IL1RAPL2: variants seen among roughly 807,000 people sequenced by gnomAD.
IL1RAPL2 encodes the protein X-linked interleukin-1 receptor accessory protein-like 2.
IL1RAPL2 carries 3 observed loss-of-function variants against 44.1 expected under a neutral mutation model. The observed-to-expected ratio is 0.07, with a 90% CI of 0.03 to 0.18. The LOEUF (loss-of-function observed/expected upper bound fraction) is 0.18, where lower values mean the gene tolerates loss of function less well. Ranked by LOEUF, IL1RAPL2 falls within the 10% of genes least tolerant of loss-of-function variation. IL1RAPL2 has a pLI of 1.00. For missense variants in IL1RAPL2, 391 were observed against 496.4 expected (o/e 0.79, Z 2.02); for synonymous variants, 181 against 178.8 (o/e 1.01, Z -0.10).
intron 2 of IL1RAPL2, among the ~76,000 whole-genome samples, chrX:105,011,699 A>C (rs2031050199): frequency 9.0e-6 from 1 of 111,302 alleles, no homozygotes; most frequent in Admixed American, 9.6e-5. Flanking sequence ...TATTTTGTTT[A>C]TCCATTTATT....
chrX:105,583,494 G>A (rs940831458), intron 6 of IL1RAPL2, among the ~76,000 whole-genome samples: 9 of 111,748 alleles, frequency 8.1e-5, no homozygotes, highest in African/African-American at 2.9e-4. Flanking sequence ...TTCTGCATAA[G>A]CCTTGTTAGT....
intron 2 of IL1RAPL2, among the ~76,000 whole-genome samples, chrX:104,781,647 AAG>A (rs1932774650): frequency 8.9e-6 from 1 of 111,752 alleles, no homozygotes; most frequent in African/African-American, 3.3e-5. Context: ...GGAAAGAAGA[AAG>A]AGAGGTTATG....
At chrX:105,741,306 G>A (rs1193988565) in intron 8 of IL1RAPL2, among the ~76,000 whole-genome samples, 1 of 111,731 alleles carries the variant, frequency 9.0e-6, no homozygotes, top group East Asian at 2.8e-4. Flanking sequence ...ATATAAAGGA[G>A]ATAAAAAACA....
At chrX:105,274,134 G>A (rs2034468340) in intron 5 of IL1RAPL2, among the ~76,000 whole-genome samples, 1 of 111,627 alleles carries the variant, frequency 9.0e-6, no homozygotes, top group Non-Finnish European at 1.9e-5. Flanking sequence ...ATCCTTTTTG[G>A]ACATTCACAA....
intron 2 of IL1RAPL2, among the ~76,000 whole-genome samples, chrX:105,016,318 C>G (rs1407703620): frequency 1.8e-5 from 2 of 111,144 alleles, no homozygotes; most frequent in Admixed American, 1.9e-4. Context: ...TTTCTCTTGC[C>G]TGATTGCCCT....
chrX:104,782,133 C>T (rs1932778448), intron 2 of IL1RAPL2, among the ~76,000 whole-genome samples: 1 of 111,492 alleles, frequency 9.0e-6, no homozygotes, highest in African/African-American at 3.3e-5. Context: ...GTATACATTA[C>T]CCTGTCTGTG....
intron 5 of IL1RAPL2, among the ~76,000 whole-genome samples, chrX:105,378,646 A>G (rs1273453390): frequency 8.9e-6 from 1 of 111,837 alleles, no homozygotes; most frequent in African/African-American, 3.2e-5. Flanking sequence ...GATTGAGAAA[A>G]AAATGTTTTT....
chrX:104,876,184 C>T (rs1476398760), intron 2 of IL1RAPL2, among the ~76,000 whole-genome samples: 1 of 111,508 alleles, frequency 9.0e-6, no homozygotes, highest in Non-Finnish European at 1.9e-5. Flanking sequence ...TGAGAAGTTG[C>T]TCTTCTGGAT....
At chrX:105,225,329 T>C (rs2034003332) in intron 3 of IL1RAPL2, among the ~76,000 whole-genome samples, 1 of 112,442 alleles carries the variant, frequency 8.9e-6, no homozygotes, top group South Asian at 3.6e-4. Flanking sequence ...GAGTGAGTAG[T>C]TTTTAAAATA....
intron 5 of IL1RAPL2, among the ~76,000 whole-genome samples, chrX:105,448,027 GT>G (rs1303889521): frequency 6.8e-5 from 7 of 103,661 alleles, no homozygotes; most frequent in Non-Finnish European, 1.2e-4. Context: ...ACGGTAAAAG[GT>G]TTTTTTTCTT....
At chrX:105,262,508 T>TATCA (rs776941639) in intron 4 of IL1RAPL2, among the ~76,000 whole-genome samples, 2 of 112,124 alleles carry the variant, frequency 1.8e-5, no homozygotes, top group African/African-American at 6.5e-5. Context: ...CATTTACATA[T>TATCA]ATCACCTCAG....
At chrX:104,847,315 TA>T (rs1922082023) in intron 2 of IL1RAPL2, among the ~76,000 whole-genome samples, 1 of 112,236 alleles carries the variant, frequency 8.9e-6, no homozygotes, top group Non-Finnish European at 1.9e-5. Context: ...CTAGGGTTTT[TA>T]TGGTTTTAGG....
chrX:104,591,557 T>C (rs1928665274), intron 1 of IL1RAPL2, among the ~76,000 whole-genome samples: 1 of 110,608 alleles, frequency 9.0e-6, no homozygotes, highest in Admixed American at 9.7e-5. Context: ...AAATATCCTT[T>C]GTGTATAAGG....
intron 6 of IL1RAPL2, among the ~76,000 whole-genome samples, chrX:105,529,107 A>G (rs1350777549): frequency 9.0e-6 from 1 of 111,619 alleles, no homozygotes; most frequent in Non-Finnish European, 1.9e-5. Context: ...GTGTAAAATT[A>G]TCTTCAATTT....
intron 5 of IL1RAPL2, 125 bp from the exon 6 acceptor site, chrX:105,484,188 C>A: frequency 1.9e-6 from 1 of 521,255 alleles, no homozygotes; most frequent in Non-Finnish European, 3.4e-6. Context: ...GAAGTAGGAA[C>A]ACTGTCTAAT....
chrX:105,614,531 T>A (rs1278913656), intron 6 of IL1RAPL2, among the ~76,000 whole-genome samples: 1 of 110,922 alleles, frequency 9.0e-6, no homozygotes, highest in Non-Finnish European at 1.9e-5. Flanking sequence ...AATCCATACA[T>A]CTACAGTGAA....
intron 1 of IL1RAPL2, among the ~76,000 whole-genome samples, chrX:104,625,029 A>T (rs1929473474): frequency 9.0e-6 from 1 of 111,618 alleles, no homozygotes; most frequent in Admixed American, 9.6e-5. Flanking sequence ...AGCAGGCATT[A>T]CTCTTGTGTT....
At chrX:104,581,146 GCTT>G (rs1317624572) in intron 1 of IL1RAPL2, among the ~76,000 whole-genome samples, 1 of 112,093 alleles carries the variant, frequency 8.9e-6, no homozygotes, top group Admixed American at 9.5e-5. Flanking sequence ...GGGCTTCTGG[GCTT>G]CGATTTTCAA....
intron 2 of IL1RAPL2, among the ~76,000 whole-genome samples, chrX:104,902,775 T>G (rs756446777): frequency 8.9e-6 from 1 of 111,781 alleles, no homozygotes; most frequent in East Asian, 2.8e-4. Context: ...AGGCCCAGTT[T>G]TAAAAACATA....
Sources: gnomAD v4.1 joint callset for allele counts (sites outside exome capture counted in the v4.1 genomes callset) on GRCh38, gnomAD v4.1.1 for gene constraint, MANE v1.5 for transcripts, NCBI Gene and HGNC (gene_info 2026-07-23, HGNC 2026-07-21) for gene names.